The following PCF11 variants were observed in gnomAD, a reference collection of about 807,000 sequenced individuals.
PCF11 encodes the protein PCF11 cleavage and polyadenylation factor subunit.
PCF11 carries 19 observed loss-of-function variants against 166.1 expected under a neutral mutation model. The observed-to-expected ratio is 0.11, with a 90% CI of 0.08 to 0.17. The LOEUF is 0.17. Ranked by LOEUF, PCF11 falls within the 10% of genes least tolerant of loss-of-function variation. PCF11 has a pLI of 1.00. For missense variants in PCF11, 1,565 were observed against 1,855.5 expected, an observed-to-expected ratio of 0.84 and a Z score of 2.88; for synonymous variants, 663 against 644.1, an observed-to-expected ratio of 1.03 and a Z score of -0.44.
At chr11:83,165,517 C>A in intron 4 of PCF11, 83 bp from the exon 5 acceptor site, 1 of 935,826 alleles carries the variant, frequency 1.1e-6, no homozygotes, top group Non-Finnish European at 1.6e-6. Context: ...TTGAATAAAG[C>A]ATTATCTTCT....
intron 1 of PCF11, 35 bp downstream of exon 1, chr11:83,157,666 A>C: frequency 6.4e-7 from 1 of 1,573,394 alleles, no homozygotes; most frequent in Non-Finnish European, 8.7e-7. Flanking sequence ...TATTACTTCT[A>C]ATACTCCCTG....
At chr11:83,178,219 C>T (rs1332287206) in intron 11 of PCF11, among the ~76,000 whole-genome samples, 2 of 151,930 alleles carry the variant, frequency 1.3e-5, no homozygotes, top group African/African-American at 2.4e-5. Context: ...GGGGTTTCAC[C>T]ACGTTGGCCA....
At chr11:83,165,521 A>G (rs964535656) in intron 4 of PCF11, 79 bp from the exon 5 acceptor site, 5 of 1,018,862 alleles carry the variant, frequency 4.9e-6, no homozygotes, top group Admixed American at 5.1e-5. Flanking sequence ...ATAAAGCATT[A>G]TCTTCTTCAG....
exon 10 of PCF11, chr11:83,177,088 C>A: frequency 6.8e-7 from 1 of 1,478,078 alleles, no homozygotes; most frequent in Non-Finnish European, 9.0e-7. Context: ...TTGTTAGGAG[C>A]CCTCCCTAAG....
chr11:83,168,496 T>C (rs1860553596), exon 8 of PCF11: 1 of 1,613,726 alleles, frequency 6.2e-7, no homozygotes, highest in African/African-American at 1.3e-5. Flanking sequence ...ATATGAAGAT[T>C]CAGATAAACC....
exon 8 of PCF11, chr11:83,168,520 C>G: frequency 6.2e-7 from 1 of 1,614,002 alleles, no homozygotes; most frequent in Non-Finnish European, 8.5e-7. Context: ...TGTAGATAGT[C>G]CAGCATCAAG....
chr11:83,161,288 A>G (rs773593545), intron 1 of PCF11, 39 bp from the exon 2 acceptor site: 2 of 1,518,142 alleles, frequency 1.3e-6, no homozygotes, highest in South Asian at 1.2e-5. Flanking sequence ...ATTTGGTGGT[A>G]ATTCATTATA....
intron 1 of PCF11, among the ~76,000 whole-genome samples, chr11:83,159,074 G>A (rs1347702408): frequency 2.0e-5 from 3 of 152,054 alleles, no homozygotes; most frequent in Non-Finnish European, 2.9e-5. Context: ...AATTTAAAGA[G>A]GACGAAAAGG....
chr11:83,171,321 C>T (rs1351400811), intron 8 of PCF11: 9 of 454,668 alleles, frequency 2.0e-5, no homozygotes, highest in African/African-American at 1.2e-4. Context: ...CTAATTAGAA[C>T]AGGCTTTTGA....
At chr11:83,181,379 A>AC (rs1226132827) in intron 12 of PCF11, among the ~76,000 whole-genome samples, 188 bp downstream of exon 12, 13 of 150,474 alleles carry the variant, frequency 8.6e-5, no homozygotes, top group African/African-American at 3.0e-4. Flanking sequence ...CAGATTTTTT[A>AC]AAAAATGAAT....
Position 83,167,400 on chromosome 11 carries a change from A to G in PCF11, c.2002-15A>G. 6.5e-7 allele frequency: 1 copy of G among 1,549,354 alleles called. No individual in the cohort carries two copies. Among genetic ancestry groups the G allele is most frequent in the Non-Finnish European group, 8.7e-7 (1 of 1,153,544 alleles). ...TATTTAAAATATTTTATTTCCTTTT[A>G]TCACCCCTATACAGACGAGTGAACG... On this transcript the variant is annotated splice_polypyrimidine_tract_variant and intron_variant, in intron 6 of 15. Coordinates refer to ENST00000298281, the Ensembl canonical transcript of PCF11. This position sits in a 1 kb window ranked among gnomAD's most constrained non-coding sequence, Gnocchi z 4.2.
In PCF11 at chr11:83,170,010, C is replaced by T. The variant is rs1247703321; in HGVS notation, c.3660+15C>T. 2 of 1,548,808 alleles carry T rather than the reference C, an allele frequency of 1.3e-6. No homozygotes were observed. The highest frequency in any genetic ancestry group is 2.5e-5 in the South Asian group (2 of 80,244). On this transcript the variant is annotated intron_variant, in intron 8 of 15. Coordinates refer to ENST00000298281, the Ensembl canonical transcript of PCF11. ...CATCTCAACAGGTAAGTCTGTTATT[C>T]TAAAATTGCGTTGTATGCAGATAAG...
intron 9 of PCF11, 54 bp from the exon 10 acceptor site, chr11:83,177,031 G>C: frequency 7.6e-7 from 1 of 1,318,422 alleles, no homozygotes; most frequent in East Asian, 3.0e-5. Context: ...GCATCTTTAA[G>C]TTCTACATTC....
At chr11:83,164,220 C>T in exon 4 of PCF11, 2 of 1,609,866 alleles carry the variant, frequency 1.2e-6, no homozygotes, top group Non-Finnish European at 1.7e-6. Flanking sequence ...GAGGAGCCTT[C>T]AACACCTGGT....
rs1250478487 is a variant in PCF11, at chr11:83,167,094, T to G, written c.1818-31T>G. The stretch of plus-strand genomic sequence containing the variant: ...CCTGAGTATTTTTTAAAAAAACATT[T>G]CAATGTAACATACTGCTTTTATGGT... On this transcript the variant is annotated intron_variant, in intron 5 of 15. Coordinates refer to ENST00000298281, the Ensembl canonical transcript of PCF11. This position sits in a 1 kb window ranked among gnomAD's most constrained non-coding sequence, Gnocchi z 4.2. 1 of 1,535,200 alleles carries G rather than the reference T, an allele frequency of 6.5e-7. No homozygotes were observed. Among genetic ancestry groups the G allele is most frequent in the Non-Finnish European group, 8.9e-7 (1 of 1,129,084 alleles).
chr11:83,178,067 G>A (rs953445559), intron 11 of PCF11, among the ~76,000 whole-genome samples: 7 of 151,850 alleles, frequency 4.6e-5, no homozygotes, highest in Admixed American at 2.0e-4. Context: ...ACCCCCAAAA[G>A]TCTTACTCTG....
chr11:83,186,771 ACG>A (rs1418874629), exon 16 of PCF11: 2 of 152,244 alleles, frequency 1.3e-5, no homozygotes, highest in African/African-American at 4.8e-5. Context: ...AGCTGAACTT[ACG>A]TATATGAACA....
rs928839077 is a variant in PCF11, at chr11:83,169,788, G to T, written c.3453G>T (p.Gln1151His). The change falls in exon 8 of 16, where the codon CAG becomes CAT. Residue 1151 changes from glutamine (Q) to histidine (H), a missense_variant. Transcript: ENST00000298281. The stretch of plus-strand genomic sequence containing the variant: ...TTAATGCCCCATCCCAAGGACTACA[G>T]TTCCAAAGACATGAACAAATATTTG... The T allele has an allele frequency of 2.5e-6, 4 of 1,613,780 alleles. No individual in the cohort carries two copies. The highest frequency in any genetic ancestry group is 1.6e-4 in the Middle Eastern group (1 of 6,062).
intron 2 of PCF11, among the ~76,000 whole-genome samples, chr11:83,162,283 C>A (rs1245585158): frequency 6.6e-6 from 1 of 152,136 alleles, no homozygotes; most frequent in Non-Finnish European, 1.5e-5. Context: ...TAGATGAACA[C>A]CTGTGTGTCA....
Sources: allele counts gnomAD v4.1 joint callset (sites outside exome capture counted in the v4.1 genomes callset), GRCh38; gene constraint gnomAD v4.1.1; non-coding constraint Gnocchi (gnomAD v3.1); transcripts MANE v1.5; gene names NCBI Gene and HGNC (gene_info 2026-07-23, HGNC 2026-07-21).